STAT5B: variants seen among roughly 807,000 people sequenced by gnomAD.
The protein encoded by STAT5B is signal transducer and activator of transcription 5B.
Under a neutral mutation model 107.8 loss-of-function variants are expected in STAT5B, and 21 were observed. The ratio of observed to expected loss-of-function variants is 0.19; its 90% CI spans 0.14 to 0.28. STAT5B has a LOEUF of 0.28. Ranked by LOEUF, STAT5B falls within the 10% of genes least tolerant of loss-of-function variation. The probability of loss-of-function intolerance (pLI) is 1.00; values close to 1 mark genes in which losing one functional copy is unlikely to be tolerated. For synonymous variants in STAT5B, 325 were observed against 401.7 expected (o/e 0.81, Z 2.28); for missense variants, 565 against 1,008.2 (o/e 0.56, Z 5.95).
chr17:42,245,732 C>T (rs1331936636), intron 1 of STAT5B, among the ~76,000 whole-genome samples: 1 of 151,904 alleles, frequency 6.6e-6, no homozygotes, highest in African/African-American at 2.4e-5. Flanking sequence ...CCATGTTGGC[C>T]AGGCTGGTTT....
chr17:42,226,808 CAAAAAAAA>C (rs767274248), intron 3 of STAT5B, among the ~76,000 whole-genome samples: 6 of 47,632 alleles, frequency 1.3e-4, no homozygotes, highest in African/African-American at 4.8e-4. Context: ...AACTCCATCT[CAAAAAAAA>C]AAAAAAAAAA....
chr17:42,225,659 C>T (rs112243943), intron 3 of STAT5B, among the ~76,000 whole-genome samples: 2,050 of 152,254 alleles, frequency 0.013, 56 homozygotes, highest in African/African-American at 0.047. Flanking sequence ...CTTTAAACCA[C>T]CTATAGATTG....
intron 1 of STAT5B, among the ~76,000 whole-genome samples, chr17:42,259,411 G>A (rs940592714): frequency 6.6e-6 from 1 of 152,310 alleles, no homozygotes; most frequent in Non-Finnish European, 1.5e-5. Context: ...TCAAACAAGA[G>A]GGTGCATCTG....
At chr17:42,278,990 A>G (rs2080784118), upstream of STAT5B, among the ~76,000 whole-genome samples, 1 of 151,264 alleles carries the variant, frequency 6.6e-6, no homozygotes, top group African/African-American at 2.5e-5. Flanking sequence ...AAAAAAAAAA[A>G]AATATTTGTA....
Position 42,219,803 on chromosome 17 carries a change from C to T in STAT5B, c.590G>A (p.Arg197His), listed in dbSNP as rs1326533398. 6.2e-7 allele frequency: 1 copy of T among 1,613,928 alleles called. No homozygotes were observed. The highest frequency in any genetic ancestry group is 8.5e-7 in the Non-Finnish European group (1 of 1,180,014). ...GPLAQLSPQE[R>H]LSRETALQQK... ...CTGGAGGGCCGTCTCCCGGCTCAGA[C>T]GCTCCTGGGGGCTCAGCTGGGCCAG... The change falls in exon 6 of 19, where the codon CGT becomes CAT. Residue 197 changes from arginine (R) to histidine (H), a missense_variant. Transcript: ENST00000293328.
At position 42,242,579 on chromosome 17, in the gene STAT5B, A is replaced by T. The variant is rs138209160; in HGVS notation, c.-10-10442T>A. 9.9e-5 allele frequency among the ~76,000 whole-genome samples: 15 copies of T among 152,012 alleles called. No homozygotes were observed. The East Asian group carries it at 2.9e-3, about 29-fold the overall frequency. Reference sequence around the variant, plus strand: ...AACAATCAGACAAATCCAAATTGTGAGACTCTAATCAATGATCCCACCCCC... The same window carrying T: ...AACAATCAGACAAATCCAAATTGTGTGACTCTAATCAATGATCCCACCCCC... On this transcript the variant is annotated intron_variant, in intron 1 of 18. Coordinates refer to ENST00000293328, the MANE Select transcript of STAT5B (RefSeq NM_012448.4).
chr17:42,265,377 C>CTTTTTTTTTTTGTTTTTTTTTTTTTTT (rs2080660083), intron 1 of STAT5B, among the ~76,000 whole-genome samples: 1 of 110,594 alleles, frequency 9.0e-6, no homozygotes, highest in Non-Finnish European at 1.9e-5. Context: ...ATGTACTCTT[C>CTTTTTTTTTTTGTTTTTTTTTTTTTTT]TTTTTTTTTT....
chr17:42,218,312 C>T lies in STAT5B; in HGVS notation c.1008G>A (p.Lys336=). ...GGGTCTTCAGGACCTGAGGAGGCTG[C>T]TTCTCAATGATGAACGTGCTGCAGG... ...ALVTSTFIIE[K]QPPQVLKTQT... Residue 336 remains lysine, a synonymous_variant, in exon 9 of 19, where the codon AAG becomes AAA. Transcript: ENST00000293328. The T allele has an allele frequency of 6.2e-7, 1 of 1,613,712 alleles. No homozygotes were observed. Among genetic ancestry groups the T allele is most frequent in the Non-Finnish European group, 8.5e-7 (1 of 1,179,884 alleles).
At chr17:42,260,956 G>C (rs552097372) in intron 1 of STAT5B, among the ~76,000 whole-genome samples, 1 of 143,860 alleles carries the variant, frequency 7.0e-6, no homozygotes, top group South Asian at 2.2e-4. Flanking sequence ...TCATTTTGTC[G>C]CCGAGGCTGA....
At chr17:42,246,472 T>C (rs1206838756) in intron 1 of STAT5B, among the ~76,000 whole-genome samples, 1 of 152,212 alleles carries the variant, frequency 6.6e-6, no homozygotes, top group Admixed American at 6.5e-5. Flanking sequence ...CAAATAGTGA[T>C]TTAAGACTGT....
intron 1 of STAT5B, among the ~76,000 whole-genome samples, chr17:42,239,483 AAAAT>A (rs1198028207): frequency 6.7e-5 from 10 of 148,748 alleles, no homozygotes; most frequent in African/African-American, 2.6e-4. Flanking sequence ...CTAATAAATA[AAAAT>A]AAACTTCAGA....
At chr17:42,225,628 T>G (rs552630713) in intron 3 of STAT5B, among the ~76,000 whole-genome samples, 1 of 152,380 alleles carries the variant, frequency 6.6e-6, no homozygotes, top group Non-Finnish European at 1.5e-5. Context: ...TTGCATAGAA[T>G]GCATACAATC....
chr17:42,266,058 C>G (rs1567678674), intron 1 of STAT5B, among the ~76,000 whole-genome samples: 1 of 151,842 alleles, frequency 6.6e-6, no homozygotes, highest in Non-Finnish European at 1.5e-5. Flanking sequence ...CATTTTTTGG[C>G]ATAAAGAAGT....
At chr17:42,255,071 T>C (rs933932830) in intron 1 of STAT5B, among the ~76,000 whole-genome samples, 4 of 151,948 alleles carry the variant, frequency 2.6e-5, no homozygotes, top group Non-Finnish European at 5.9e-5. Context: ...AGCCTGGCAA[T>C]GGAGCGAGAC....
intron 1 of STAT5B, among the ~76,000 whole-genome samples, chr17:42,248,773 C>T (rs764820425): frequency 2.0e-5 from 3 of 152,234 alleles, no homozygotes; most frequent in Non-Finnish European, 2.9e-5. Flanking sequence ...CGAAGAGCAG[C>T]GATTTCCTTC....
intron 1 of STAT5B, among the ~76,000 whole-genome samples, chr17:42,232,526 G>A (rs1174976713): frequency 6.6e-6 from 1 of 152,144 alleles, no homozygotes; most frequent in Non-Finnish European, 1.5e-5. Context: ...TGGGATTACA[G>A]GCGTGAGCCA....
intron 1 of STAT5B, among the ~76,000 whole-genome samples, chr17:42,251,968 C>T (rs1776919591): frequency 6.9e-6 from 1 of 145,718 alleles, no homozygotes; most frequent in Non-Finnish European, 1.5e-5. Flanking sequence ...CACTGCATTC[C>T]AGCCTGGGTG....
chr17:42,236,749 T>C (rs1369780947), intron 1 of STAT5B, among the ~76,000 whole-genome samples: 1 of 152,160 alleles, frequency 6.6e-6, no homozygotes, highest in Non-Finnish European at 1.5e-5. Flanking sequence ...TAAGTAGTAT[T>C]TTTCTTCATA....
intron 16 of STAT5B, among the ~76,000 whole-genome samples, chr17:42,205,351 T>TAA (rs56661872): frequency 8.9e-5 from 13 of 145,330 alleles, no homozygotes; most frequent in East Asian, 5.9e-4. Context: ...TATTTCCAAG[T>TAA]AAAAAAAAAA....
Sources: gnomAD v4.1 joint callset for allele counts (sites outside exome capture counted in the v4.1 genomes callset) on GRCh38, gnomAD v4.1.1 for gene constraint, MANE v1.5 for transcripts, NCBI Gene and HGNC (gene_info 2026-07-23, HGNC 2026-07-21) for gene names.